The following CNTN5 variants were observed in gnomAD, a reference collection of about 807,000 sequenced individuals.
CNTN5 encodes contactin-5.
In CNTN5, 77 loss-of-function variants were observed where a neutral mutation model predicts 129.1. That is an observed-to-expected ratio of 0.60 (90% confidence interval 0.50 to 0.72). The LOEUF is 0.72. Ranked by LOEUF, CNTN5 falls within the 30% of genes least tolerant of loss-of-function variation. The pLI is 0.00. For synonymous variants in CNTN5, 509 were observed against 465.6 expected (o/e 1.09, Z -1.20); for missense variants, 1,478 against 1,328.8 (o/e 1.11, Z -1.75).
At chr11:100,178,764 T>A (rs952476484) in intron 13 of CNTN5, among the ~76,000 whole-genome samples, 1 of 152,100 alleles carries the variant, frequency 6.6e-6, no homozygotes, top group East Asian at 1.9e-4. Flanking sequence ...AAAGTCACAG[T>A]TTGATTTGGG....
chr11:99,048,656 T>G (rs550555505), intron 1 of CNTN5, among the ~76,000 whole-genome samples: 3 of 152,288 alleles, frequency 2.0e-5, no homozygotes, highest in Non-Finnish European at 4.4e-5. Flanking sequence ...TTTTCAACTA[T>G]TACCAAACTA....
chr11:99,757,608 C>G (rs544247790), intron 3 of CNTN5, among the ~76,000 whole-genome samples: 1 of 151,994 alleles, frequency 6.6e-6, no homozygotes, highest in African/African-American at 2.4e-5. Context: ...TTGATTATAT[C>G]TACAGAGACC....
chr11:99,839,117 C>G (rs1419158202), intron 4 of CNTN5, among the ~76,000 whole-genome samples: 1 of 144,334 alleles, frequency 6.9e-6, no homozygotes, highest in South Asian at 2.4e-4. Flanking sequence ...ACAATTAAAA[C>G]AAACAAGATT....
chr11:99,743,378 C>T (rs74906624), intron 3 of CNTN5, among the ~76,000 whole-genome samples: 4,759 of 152,136 alleles, frequency 0.031, 113 homozygotes, highest in African/African-American at 0.062. Context: ...TATTTGTCTT[C>T]CTCATTAAAT....
At chr11:99,565,585 G>C (rs1292921584) in intron 3 of CNTN5, among the ~76,000 whole-genome samples, 1 of 152,036 alleles carries the variant, frequency 6.6e-6, no homozygotes, top group Non-Finnish European at 1.5e-5. Flanking sequence ...ATTACCACTT[G>C]GTATTCAAAG....
intron 2 of CNTN5, among the ~76,000 whole-genome samples, chr11:99,521,455 G>T (rs1357221965): frequency 1.3e-5 from 2 of 151,966 alleles, no homozygotes; most frequent in African/African-American, 4.8e-5. Flanking sequence ...AATAATTTTA[G>T]GTGACTTATT....
intron 18 of CNTN5, among the ~76,000 whole-genome samples, chr11:100,275,148 A>G (rs1330945324): frequency 1.3e-5 from 2 of 152,098 alleles, no homozygotes; most frequent in South Asian, 2.1e-4. Context: ...TCATCCACAG[A>G]AAATCCAACT....
At chr11:100,238,551 G>T (rs1242694173) in intron 16 of CNTN5, among the ~76,000 whole-genome samples, 1 of 147,316 alleles carries the variant, frequency 6.8e-6, no homozygotes. Context: ...GAGGAGGAGG[G>T]GGAAGAAGAG....
chr11:100,317,859 T>C (rs1205669738), intron 21 of CNTN5, among the ~76,000 whole-genome samples: 2 of 152,146 alleles, frequency 1.3e-5, no homozygotes, highest in Non-Finnish European at 2.9e-5. Flanking sequence ...ACACAAACCA[T>C]TTTAAGACTC....
chr11:100,204,549 C>T (rs1426047735), intron 15 of CNTN5, among the ~76,000 whole-genome samples: 2 of 150,660 alleles, frequency 1.3e-5, no homozygotes, highest in South Asian at 4.2e-4. Flanking sequence ...AATCTCAGCT[C>T]ACTATAGCCC....
intron 1 of CNTN5, among the ~76,000 whole-genome samples, chr11:99,319,603 A>G (rs532977827): frequency 6.6e-6 from 1 of 152,348 alleles, no homozygotes; most frequent in Non-Finnish European, 1.5e-5. Flanking sequence ...TGTTGTGTAT[A>G]TCACATAATG....
chr11:100,268,445 A>C (rs1421248884), intron 17 of CNTN5, among the ~76,000 whole-genome samples: 2 of 152,210 alleles, frequency 1.3e-5, no homozygotes, highest in Non-Finnish European at 2.9e-5. Flanking sequence ...GAAAGCAATC[A>C]TTGAGGTAAA....
chr11:99,893,926 G>C (rs1306743542), intron 6 of CNTN5, among the ~76,000 whole-genome samples: 1 of 151,852 alleles, frequency 6.6e-6, no homozygotes, highest in East Asian at 1.9e-4. Flanking sequence ...TAAGGATCAA[G>C]AGAGAGAGTG....
intron 2 of CNTN5, among the ~76,000 whole-genome samples, chr11:99,410,517 A>ATT (rs376459932): frequency 6.6e-6 from 1 of 151,758 alleles, no homozygotes; most frequent in African/African-American, 2.4e-5. Flanking sequence ...TTCTAAATGT[A>ATT]TTTTTTTTGC....
At chr11:100,063,405 C>T (rs1348255906) in intron 10 of CNTN5, among the ~76,000 whole-genome samples, 1 of 151,848 alleles carries the variant, frequency 6.6e-6, no homozygotes, top group African/African-American at 2.4e-5. Flanking sequence ...CTAGATTGTT[C>T]CTTAGAAAGA....
intron 2 of CNTN5, among the ~76,000 whole-genome samples, chr11:99,463,397 C>T: frequency 7.2e-6 from 1 of 138,864 alleles, no homozygotes; most frequent in Non-Finnish European, 1.5e-5. Flanking sequence ...GAGATCGCGC[C>T]ACTGCACTCC....
chr11:99,818,099 A>G (rs1490929087), intron 3 of CNTN5, among the ~76,000 whole-genome samples: 3 of 152,204 alleles, frequency 2.0e-5, no homozygotes, highest in Admixed American at 2.0e-4. Flanking sequence ...ATCATAGAAA[A>G]ATGCTTTTTG....
chr11:100,303,281 T>G lies in CNTN5; in HGVS notation c.2620+3885T>G, dbSNP rs148012639. ...TACAACACGCTAATTTTGGAAACAA[T>G]TCCATTTTTAAAAAAAAAGAATAGT... On this transcript the variant is annotated intron_variant, in intron 20 of 24. Transcript: ENST00000524871. 6.4e-3 allele frequency among the ~76,000 whole-genome samples: 964 copies of G among 151,622 alleles called. 2 individuals are homozygous for G. Among genetic ancestry groups the G allele is most frequent in the Middle Eastern group, 0.01 (3 of 294 alleles).
At chr11:100,102,070 T>C (rs143020937) in intron 13 of CNTN5, among the ~76,000 whole-genome samples, 2 of 152,258 alleles carry the variant, frequency 1.3e-5, no homozygotes, top group Middle Eastern at 3.4e-3. Context: ...TAATGACTTA[T>C]TTTCCTTTGG....
Sources: allele counts gnomAD v4.1 joint callset (sites outside exome capture counted in the v4.1 genomes callset), GRCh38; gene constraint gnomAD v4.1.1; transcripts MANE v1.5; gene names NCBI Gene and HGNC (gene_info 2026-07-23, HGNC 2026-07-21).